The following CERS3 variants were observed in gnomAD, a reference collection of about 807,000 sequenced individuals.
The protein encoded by CERS3 is LAG1 homolog, ceramide synthase 3.
Under a neutral mutation model 50.3 loss-of-function variants are expected in CERS3, and 33 were observed. That is an observed-to-expected ratio of 0.66 (90% confidence interval 0.50 to 0.88). The LOEUF (loss-of-function observed/expected upper bound fraction) is 0.88, where lower values mean the gene tolerates loss of function less well. Among genes scored for constraint, CERS3 ranks in the 40% least tolerant of loss-of-function variants. The pLI, the probability that CERS3 is intolerant of heterozygous loss-of-function variation, is 0.00. For missense variants in CERS3, 470 were observed against 460.3 expected, an observed-to-expected ratio of 1.02 and a Z score of -0.19; for synonymous variants, 176 against 155.2, an observed-to-expected ratio of 1.13 and a Z score of -0.99.
In CERS3 at chr15:100,417,811, G is replaced by C. The variant is rs1027334225; in HGVS notation, c.1000-14946C>G. Among the ~76,000 whole-genome samples the C allele has an allele frequency of 1.1e-4, 16 of 151,816 alleles. 1 individual carries two copies. The highest frequency in any genetic ancestry group is 1.8e-4 in the Non-Finnish European group (12 of 68,042). On this transcript the variant is annotated intron_variant, in intron 11 of 11. Coordinates refer to ENST00000679737, the MANE Select transcript of CERS3 (RefSeq NM_001378789.1). Reference sequence around the variant, plus strand: ...CAGCCTAACTGAGAGGCACCCCCCAGCAAGGGCACACTGACACCTCACACA... The same window carrying C: ...CAGCCTAACTGAGAGGCACCCCCCACCAAGGGCACACTGACACCTCACACA...
At chr15:100,411,725 C>T (rs2031504705) in intron 11 of CERS3, among the ~76,000 whole-genome samples, 1 of 152,092 alleles carries the variant, frequency 6.6e-6, no homozygotes, top group Non-Finnish European at 1.5e-5. Context: ...AACTACCATA[C>T]TGTTTTCCAC....
chr15:100,425,832 G>A (rs991849972), intron 11 of CERS3, among the ~76,000 whole-genome samples: 6 of 152,106 alleles, frequency 3.9e-5, no homozygotes, highest in African/African-American at 1.2e-4. Flanking sequence ...CATGTTGACC[G>A]TAATTCTGAA....
At chr15:100,513,540 C>CTTTT (rs11428048) in intron 2 of CERS3, among the ~76,000 whole-genome samples, 6 of 143,920 alleles carry the variant, frequency 4.2e-5, no homozygotes, top group South Asian at 4.3e-4. Flanking sequence ...GTTTTCTTTT[C>CTTTT]TTTTTTTTTT....
At chr15:100,416,031 A>G (rs1453220435) in intron 11 of CERS3, among the ~76,000 whole-genome samples, 1 of 152,228 alleles carries the variant, frequency 6.6e-6, no homozygotes, top group East Asian at 1.9e-4. Flanking sequence ...ATGGATAGGA[A>G]AAGTCAATAT....
chr15:100,402,911 G>T (rs1313446193), intron 11 of CERS3, 46 bp from the exon 12 acceptor site: 1 of 1,540,346 alleles, frequency 6.5e-7, no homozygotes, highest in Admixed American at 2.0e-5. Flanking sequence ...CTTCCAGGAA[G>T]AGTCTTGAGT....
intron 11 of CERS3, among the ~76,000 whole-genome samples, chr15:100,443,098 G>A (rs181038524): frequency 0.044 from 5,636 of 128,078 alleles, 2 homozygotes; most frequent in East Asian, 0.25. Context: ...CTATTCCTGG[G>A]CTACAGCCAC....
chr15:100,431,423 C>T (rs965433650), intron 11 of CERS3, among the ~76,000 whole-genome samples: 1 of 152,020 alleles, frequency 6.6e-6, no homozygotes, highest in African/African-American at 2.4e-5. Flanking sequence ...TCCCAATGTG[C>T]TTATTTTCAA....
At chr15:100,535,374 A>G (rs1486014441) in intron 1 of CERS3, among the ~76,000 whole-genome samples, 1 of 152,236 alleles carries the variant, frequency 6.6e-6, no homozygotes, top group East Asian at 1.9e-4. Context: ...CTGGGTTCAT[A>G]CCATGTGCCA....
At chr15:100,523,464 G>A (rs1356731984) in intron 1 of CERS3, among the ~76,000 whole-genome samples, 1 of 152,020 alleles carries the variant, frequency 6.6e-6, no homozygotes, top group Non-Finnish European at 1.5e-5. Flanking sequence ...CACTTTGGGA[G>A]GCTGAGGCAA....
intron 10 of CERS3, among the ~76,000 whole-genome samples, chr15:100,467,882 TA>T (rs2034834186): frequency 2.2e-5 from 1 of 44,594 alleles, no homozygotes; most frequent in Admixed American, 2.0e-4. Context: ...TAGATAGATA[TA>T]GATATAGATA....
chr15:100,541,889 G>A (rs1002520381), intron 1 of CERS3, among the ~76,000 whole-genome samples: 15 of 152,116 alleles, frequency 9.9e-5, no homozygotes, highest in African/African-American at 3.6e-4. Context: ...AAAATAATTT[G>A]CTTGATCCTG....
In CERS3 at chr15:100,402,703, A is replaced by T; in HGVS notation, c.*10T>A. ...GCATGCTGTGCCATGGGAGTCCTGT[A>T]GGCTTCCAGCTAATGGCCATGCTGG... On this transcript the variant is annotated 3_prime_UTR_variant, in exon 12 of 12. Transcript: ENST00000679737. The T allele has an allele frequency of 6.2e-7, 1 of 1,613,326 alleles. No individual in the cohort carries two copies. The highest frequency in any genetic ancestry group is 8.5e-7 in the Non-Finnish European group (1 of 1,179,794).
chr15:100,424,204 G>A lies in CERS3; in HGVS notation c.1000-21339C>T, dbSNP rs184818121. On this transcript the variant is annotated intron_variant, in intron 11 of 11. Coordinates refer to ENST00000679737, the MANE Select transcript of CERS3 (RefSeq NM_001378789.1). ...GATTTGTCTGCCTTGGCCTCCCAAA[G>A]TGCTGGGATTACAGGTGTGAGCCAC... is the stretch of plus-strand genomic sequence containing the variant. Among the ~76,000 whole-genome samples the A allele has an allele frequency of 3.1e-3, 471 of 152,290 alleles. 2 individuals are homozygous for A. The highest frequency in any genetic ancestry group is 6.8e-3 in the Middle Eastern group (2 of 294).
intron 11 of CERS3, among the ~76,000 whole-genome samples, chr15:100,428,113 A>T (rs2587821): frequency 3.9e-5 from 6 of 152,196 alleles, no homozygotes; most frequent in Non-Finnish European, 5.9e-5. Context: ...ACAACTGACA[A>T]ATTTGCTACA....
intron 11 of CERS3, among the ~76,000 whole-genome samples, chr15:100,442,865 A>G (rs905970727): frequency 2.6e-5 from 4 of 152,112 alleles, no homozygotes; most frequent in East Asian, 1.9e-4. Context: ...CTTAATCAAT[A>G]CGGAGGCTAC....
intron 1 of CERS3, among the ~76,000 whole-genome samples, chr15:100,524,468 G>A (rs117541539): frequency 0.014 from 2,083 of 152,226 alleles, 23 homozygotes; most frequent in East Asian, 0.029. Flanking sequence ...CACATAAGGC[G>A]GATCTCTGTT....
intron 3 of CERS3, among the ~76,000 whole-genome samples, chr15:100,493,138 T>C (rs2035702318): frequency 6.6e-6 from 1 of 152,212 alleles, no homozygotes; most frequent in African/African-American, 2.4e-5. Flanking sequence ...TTTTCTTATG[T>C]AGTTACTTTT....
At chr15:100,534,026 C>G (rs79337950) in intron 1 of CERS3, among the ~76,000 whole-genome samples, 2,063 of 152,312 alleles carry the variant, frequency 0.014, 25 homozygotes, top group East Asian at 0.028. Flanking sequence ...TCTGGGAAGG[C>G]TGCAGTGCTG....
intron 1 of CERS3, among the ~76,000 whole-genome samples, chr15:100,527,095 A>C (rs2036816713): frequency 6.6e-6 from 1 of 152,084 alleles, no homozygotes; most frequent in Admixed American, 6.5e-5. Flanking sequence ...GGAGATCGAG[A>C]CTAGACTGAC....
Sources: gnomAD v4.1 joint callset for allele counts (sites outside exome capture counted in the v4.1 genomes callset) on GRCh38, gnomAD v4.1.1 for gene constraint, MANE v1.5 for transcripts, NCBI Gene and HGNC (gene_info 2026-07-23, HGNC 2026-07-21) for gene names.